RGS6: variants seen among roughly 807,000 people sequenced by gnomAD.
RGS6 encodes the protein regulator of G protein signaling 6.
A neutral mutation model predicts 78.5 loss-of-function variants in RGS6; 30 were observed. The observed-to-expected ratio is 0.38, with a 90% CI of 0.29 to 0.52. The LOEUF is 0.52. Ranked by LOEUF, RGS6 falls within the 20% of genes least tolerant of loss-of-function variation. The pLI is 0.85. For synonymous variants in RGS6, 206 were observed against 206.0 expected (o/e 1.00, Z 0.00); for missense variants, 495 against 609.7 (o/e 0.81, Z 1.98).
chr14:72,187,289 T>A (rs976308019), intron 2 of RGS6, among the ~76,000 whole-genome samples: 3 of 152,230 alleles, frequency 2.0e-5, no homozygotes, highest in Admixed American at 6.5e-5. Context: ...TAACTACTCA[T>A]GTAAAATGCT....
At chr14:72,194,357 C>T (rs544621664) in intron 2 of RGS6, among the ~76,000 whole-genome samples, 2 of 152,280 alleles carry the variant, frequency 1.3e-5, no homozygotes, top group African/African-American at 4.8e-5. Context: ...GTGGAACTTA[C>T]ACTTTATTAT....
intron 2 of RGS6, among the ~76,000 whole-genome samples, chr14:72,019,886 T>C (rs4899414): frequency 0.91 from 137,807 of 152,194 alleles, 62,617 homozygotes; most frequent in East Asian, 0.98. Flanking sequence ...AAAGACAGCC[T>C]TGGGAATATT....
At position 72,533,050 on chromosome 14, in the gene RGS6, T is replaced by C. The variant is rs1281052466; in HGVS notation, c.1279-3136T>C. Among the ~76,000 whole-genome samples the C allele has an allele frequency of 2.0e-5, 3 of 152,214 alleles. No homozygotes were observed. In the East Asian group the frequency reaches 5.8e-4, roughly 29 times the overall value. Reference sequence around the variant, plus strand: ...TTGGAAGAAGATAAATCTAGGGTTTTCATAGCTAGAGAAGAGAAGTCCATG... The same window carrying C: ...TTGGAAGAAGATAAATCTAGGGTTTCCATAGCTAGAGAAGAGAAGTCCATG... On this transcript the variant is annotated intron_variant, in intron 15 of 17. Coordinates refer to ENST00000553525, the MANE Select transcript of RGS6 (RefSeq NM_001204424.2).
intron 2 of RGS6, among the ~76,000 whole-genome samples, chr14:72,069,385 CTTTA>C (rs1418447777): frequency 6.6e-6 from 1 of 152,138 alleles, no homozygotes; most frequent in Admixed American, 6.5e-5. Context: ...AGCATGCATA[CTTTA>C]TTTATAAAAG....
At chr14:72,148,240 G>T (rs916599402) in intron 2 of RGS6, among the ~76,000 whole-genome samples, 9 of 150,510 alleles carry the variant, frequency 6.0e-5, no homozygotes, top group African/African-American at 1.2e-4. Flanking sequence ...CAAAAAAATA[G>T]AAAAAAATTA....
intron 14 of RGS6, chr14:72,515,840 G>A (rs575092517): frequency 1.3e-5 from 2 of 152,300 alleles, no homozygotes; most frequent in Admixed American, 6.5e-5. Context: ...TCCCACAGGG[G>A]CTCAGCAGCT....
At chr14:72,076,861 A>G (rs1179859522) in intron 2 of RGS6, among the ~76,000 whole-genome samples, 1 of 151,950 alleles carries the variant, frequency 6.6e-6, no homozygotes, top group Non-Finnish European at 1.5e-5. Context: ...TATACTGTCT[A>G]TAAAATTTGG....
At chr14:72,143,758 T>G (rs1478018560) in intron 2 of RGS6, among the ~76,000 whole-genome samples, 1 of 152,226 alleles carries the variant, frequency 6.6e-6, no homozygotes, top group Non-Finnish European at 1.5e-5. Flanking sequence ...TAGTCTTAAA[T>G]TCTACCTTTA....
intron 2 of RGS6, among the ~76,000 whole-genome samples, chr14:72,116,506 CCT>C (rs1325980808): frequency 6.6e-6 from 1 of 151,454 alleles, no homozygotes; most frequent in Non-Finnish European, 1.5e-5. Context: ...GGTATTCCTC[CCT>C]CTCTTCATCC....
chr14:72,272,689 G>A (rs1383992644), intron 2 of RGS6, among the ~76,000 whole-genome samples: 1 of 152,310 alleles, frequency 6.6e-6, no homozygotes, highest in South Asian at 2.1e-4. Flanking sequence ...TTGTAATGCA[G>A]TGTTCACTAC....
chr14:72,184,106 C>T (rs2097207701), intron 2 of RGS6, among the ~76,000 whole-genome samples: 1 of 152,038 alleles, frequency 6.6e-6, no homozygotes, highest in Admixed American at 6.6e-5. Context: ...TACACCTTGC[C>T]TCTACTTAGC....
intron 2 of RGS6, among the ~76,000 whole-genome samples, chr14:72,148,125 C>T (rs1233549340): frequency 1.2e-5 from 1 of 85,390 alleles, no homozygotes; most frequent in Admixed American, 1.5e-4. Flanking sequence ...AGCAAGACTC[C>T]ATCTAAAAAA....
chr14:72,403,228 A>C (rs1353801367), intron 3 of RGS6, among the ~76,000 whole-genome samples: 1 of 152,228 alleles, frequency 6.6e-6, no homozygotes, highest in Non-Finnish European at 1.5e-5. Flanking sequence ...TGAATGGATA[A>C]AGAAAGTGTG....
chr14:72,445,512 G>A (rs960494047), intron 3 of RGS6, among the ~76,000 whole-genome samples: 5 of 151,096 alleles, frequency 3.3e-5, no homozygotes, highest in Non-Finnish European at 5.9e-5. Context: ...GTATCAGTGG[G>A]TGAAAGACCC....
chr14:72,272,786 T>C (rs1243122651), intron 2 of RGS6, among the ~76,000 whole-genome samples: 2 of 152,194 alleles, frequency 1.3e-5, no homozygotes, highest in Non-Finnish European at 2.9e-5. Context: ...AGAGATAAAA[T>C]TATGGCTCTA....
chr14:72,194,770 CA>C (rs1199849051), intron 2 of RGS6, among the ~76,000 whole-genome samples: 1 of 152,118 alleles, frequency 6.6e-6, no homozygotes, highest in Non-Finnish European at 1.5e-5. Context: ...AAAAATAGAG[CA>C]GAAGAGGGAC....
intron 3 of RGS6, among the ~76,000 whole-genome samples, chr14:72,411,809 C>T (rs1177480592): frequency 1.3e-5 from 2 of 152,176 alleles, no homozygotes; most frequent in Non-Finnish European, 2.9e-5. Flanking sequence ...GCCTTTTCTG[C>T]ATCTATTGAG....
intron 2 of RGS6, among the ~76,000 whole-genome samples, chr14:72,032,261 CT>C (rs1164385928): frequency 6.6e-5 from 10 of 152,108 alleles, no homozygotes; most frequent in Non-Finnish European, 1.5e-4. Context: ...TTCCAAATTG[CT>C]TTCCAAAAGA....
intron 2 of RGS6, among the ~76,000 whole-genome samples, chr14:72,188,479 TATCATCATCATC>T (rs34314181): frequency 6.6e-6 from 1 of 150,728 alleles, no homozygotes; most frequent in African/African-American, 2.4e-5. Context: ...CTATAGCAGT[TATCATCATCATC>T]ATCATCATCA....
Sources: gnomAD v4.1 joint callset for allele counts (sites outside exome capture counted in the v4.1 genomes callset) on GRCh38, gnomAD v4.1.1 for gene constraint, MANE v1.5 for transcripts, NCBI Gene and HGNC (gene_info 2026-07-23, HGNC 2026-07-21) for gene names.